The following PAPPA2 variants were observed in gnomAD, a reference collection of about 807,000 sequenced individuals.
The protein encoded by PAPPA2 is pappalysin-2.
A neutral mutation model predicts 176.4 loss-of-function variants in PAPPA2; 86 were observed. That is an observed-to-expected ratio of 0.49 (90% CI 0.41 to 0.58). PAPPA2 has a LOEUF of 0.58. PAPPA2 is among the 20% of genes least tolerant of loss of function. The probability of loss-of-function intolerance (pLI) is 0.00; values close to 1 mark genes in which losing one functional copy is unlikely to be tolerated. For synonymous variants in PAPPA2, 809 were observed against 852.2 expected (o/e 0.95, Z 0.88); for missense variants, 2,073 against 2,256.9 (o/e 0.92, Z 1.65).
chr1:176,497,088 T>G (rs1450806261), intron 1 of PAPPA2, among the ~76,000 whole-genome samples: 1 of 152,188 alleles, frequency 6.6e-6, no homozygotes, highest in Non-Finnish European at 1.5e-5. Context: ...TTGCCTGTAC[T>G]TAGAAATATT....
rs548237357 is a variant in PAPPA2, at chr1:176,604,378, C to A, written c.1991+8783C>A. 2.3e-3 allele frequency among the ~76,000 whole-genome samples: 344 copies of A among 152,276 alleles called. 3 individuals are homozygous for A. The highest frequency in any genetic ancestry group is 7.8e-3 in the African/African-American group (324 of 41,544). ...CGTTTGGGCGACTCTCATACTATAA[C>A]ACCTACAACAGCAAAAGGAACAGAC... is the stretch of plus-strand genomic sequence containing the variant. On this transcript the variant is annotated intron_variant, in intron 3 of 22. Coordinates refer to ENST00000367662, the MANE Select transcript of PAPPA2 (RefSeq NM_020318.3).
chr1:176,766,423 G>A (rs567268664), intron 15 of PAPPA2, among the ~76,000 whole-genome samples: 7 of 152,286 alleles, frequency 4.6e-5, no homozygotes, highest in Admixed American at 6.5e-5. Flanking sequence ...GATTAACAGG[G>A]TGACTCAGGA....
At chr1:176,634,858 A>G (rs1029306348) in intron 3 of PAPPA2, among the ~76,000 whole-genome samples, 1 of 139,958 alleles carries the variant, frequency 7.1e-6, no homozygotes, top group Non-Finnish European at 1.6e-5. Flanking sequence ...ACATAGATAC[A>G]TAGATACATA....
intron 1 of PAPPA2, among the ~76,000 whole-genome samples, chr1:176,482,753 C>T (rs1475104659): frequency 6.6e-6 from 1 of 152,170 alleles, no homozygotes; most frequent in African/African-American, 2.4e-5. Flanking sequence ...GAAATAATTC[C>T]TCTTTCCCAG....
At chr1:176,681,029 A>G (rs1659562657) in intron 4 of PAPPA2, among the ~76,000 whole-genome samples, 1 of 152,020 alleles carries the variant, frequency 6.6e-6, no homozygotes, top group African/African-American at 2.4e-5. Context: ...TTGTTTTTGG[A>G]TATGTTGAGC....
At chr1:176,483,166 C>G (rs1652482047) in intron 1 of PAPPA2, among the ~76,000 whole-genome samples, 1 of 152,172 alleles carries the variant, frequency 6.6e-6, no homozygotes, top group Non-Finnish European at 1.5e-5. Context: ...AGGTCCCCTA[C>G]CTGTCTTTGT....
intron 8 of PAPPA2, among the ~76,000 whole-genome samples, chr1:176,700,077 C>T (rs1221842536): frequency 6.6e-6 from 1 of 152,180 alleles, no homozygotes; most frequent in Non-Finnish European, 1.5e-5. Flanking sequence ...CTTTCCCCTT[C>T]TCTCATTTTC....
At chr1:176,554,395 T>C (rs1651147762) in intron 1 of PAPPA2, among the ~76,000 whole-genome samples, 1 of 152,242 alleles carries the variant, frequency 6.6e-6, no homozygotes, top group African/African-American at 2.4e-5. Flanking sequence ...TGGTCAGATA[T>C]CCTTACTTGT....
At chr1:176,827,549 A>T (rs1666908219) in intron 21 of PAPPA2, among the ~76,000 whole-genome samples, 1 of 152,166 alleles carries the variant, frequency 6.6e-6, no homozygotes, top group African/African-American at 2.4e-5. Flanking sequence ...TGCTCCAGGC[A>T]GGTCCTCTTT....
rs544279570 is a variant in PAPPA2 at position 176,699,600 on chromosome 1, T to C, written c.3236+11T>C. 103 of 1,590,366 alleles carry C rather than the reference T, an allele frequency of 6.5e-5. 1 individual carries two copies. The South Asian group carries it at 1.1e-3, about 17-fold the overall frequency. ...GAAGTTCACGGACGTGTGAGTTTGGTAGCATGACTATGGGGCTTCCTGAGG... is the reference window on the plus strand; with the variant it reads ...GAAGTTCACGGACGTGTGAGTTTGGCAGCATGACTATGGGGCTTCCTGAGG... On this transcript the variant is annotated intron_variant, in intron 8 of 22. Transcript: ENST00000367662.
At chr1:176,660,679 A>G (rs1658313885) in intron 3 of PAPPA2, among the ~76,000 whole-genome samples, 2 of 152,096 alleles carry the variant, frequency 1.3e-5, no homozygotes, top group African/African-American at 2.4e-5. Context: ...ATCCTGTTGA[A>G]TCAAGGACAC....
At chr1:176,474,857 C>G (rs908866465) in intron 1 of PAPPA2, among the ~76,000 whole-genome samples, 7 of 152,110 alleles carry the variant, frequency 4.6e-5, no homozygotes, top group Non-Finnish European at 8.8e-5. Flanking sequence ...ATACCTGTGT[C>G]TTCAAGTCCC....
chr1:176,732,287 G>A (rs7349092), intron 12 of PAPPA2, among the ~76,000 whole-genome samples: 28,097 of 152,030 alleles, frequency 0.18, 2,659 homozygotes, highest in Middle Eastern at 0.25. Flanking sequence ...AAATTAGTAG[G>A]GATTTAGAAA....
intron 14 of PAPPA2, among the ~76,000 whole-genome samples, chr1:176,760,835 T>C (rs1048765511): frequency 1.3e-5 from 2 of 152,112 alleles, no homozygotes; most frequent in Non-Finnish European, 2.9e-5. Context: ...TGTTTGTTTG[T>C]TTTTGAGACA....
intron 3 of PAPPA2, among the ~76,000 whole-genome samples, chr1:176,654,763 A>G (rs1406922588): frequency 6.6e-6 from 1 of 151,698 alleles, no homozygotes; most frequent in African/African-American, 2.4e-5. Context: ...TCAGTATTTC[A>G]TAGTCTTCTG....
At chr1:176,697,229 TC>T in intron 7 of PAPPA2, among the ~76,000 whole-genome samples, 1 of 152,312 alleles carries the variant, frequency 6.6e-6, no homozygotes, top group East Asian at 1.9e-4. Context: ...TTTTAGGGCT[TC>T]CATTTCATGC....
intron 1 of PAPPA2, among the ~76,000 whole-genome samples, chr1:176,545,243 G>A (rs1650569749): frequency 6.6e-6 from 1 of 151,984 alleles, no homozygotes; most frequent in East Asian, 1.9e-4. Context: ...GTGATTGAAG[G>A]AGCTTGCTAC....
intron 2 of PAPPA2, among the ~76,000 whole-genome samples, chr1:176,565,865 T>C (rs1325775299): frequency 6.6e-6 from 1 of 152,188 alleles, no homozygotes; most frequent in Non-Finnish European, 1.5e-5. Flanking sequence ...TCCTTCCTAG[T>C]TGAAGTGGGT....
At chr1:176,619,042 G>A (rs1393510163) in intron 3 of PAPPA2, among the ~76,000 whole-genome samples, 2 of 152,104 alleles carry the variant, frequency 1.3e-5, no homozygotes, top group African/African-American at 2.4e-5. Context: ...GTCGAAGGGG[G>A]TATGGCTACT....
Sources: allele counts gnomAD v4.1 joint callset (sites outside exome capture counted in the v4.1 genomes callset), GRCh38; gene constraint gnomAD v4.1.1; transcripts MANE v1.5; gene names NCBI Gene and HGNC (gene_info 2026-07-23, HGNC 2026-07-21).